Variants in ABCA1 observed in about 807,000 individuals in gnomAD.
ABCA1 encodes ATP binding cassette subfamily A member 1, also known as phospholipid-transporting ATPase ABCA1.
In ABCA1, 133 loss-of-function variants were observed where a neutral mutation model predicts 262.5. The observed-to-expected ratio is 0.51, with a 90% CI of 0.44 to 0.59. The LOEUF (loss-of-function observed/expected upper bound fraction) is 0.59, where lower values mean the gene tolerates loss of function less well. Among genes scored for constraint, ABCA1 ranks in the 20% least tolerant of loss-of-function variants. The pLI, the probability that ABCA1 is intolerant of heterozygous loss-of-function variation, is 0.00. For missense variants in ABCA1, 2,452 were observed against 2,777.5 expected, an observed-to-expected ratio of 0.88 and a Z score of 2.63; for synonymous variants, 1,022 against 1,043.5, an observed-to-expected ratio of 0.98 and a Z score of 0.40.
At chr9:104,863,216 G>A (rs552940698) in intron 5 of ABCA1, among the ~76,000 whole-genome samples, 71 of 152,250 alleles carry the variant, frequency 4.7e-4, no homozygotes, top group Non-Finnish European at 9.4e-4. Context: ...TCTCCAAAAT[G>A]AGAGGTTTCT....
chr9:104,873,274 C>A (rs1188561678), intron 5 of ABCA1, among the ~76,000 whole-genome samples: 1 of 152,232 alleles, frequency 6.6e-6, no homozygotes, highest in African/African-American at 2.4e-5. Context: ...CAAGATGACA[C>A]ACTGGGGTTC....
rs41474449 is a variant in ABCA1 at position 104,781,415 on chromosome 9, TAAC to T, written c.*2897_*2899del. ...GTATTACATTATTACTAGTAGATAA[TAAC>T]AAGGGTACAAATTAATGTCTCAATA... On this transcript the variant is annotated 3_prime_UTR_variant, in exon 50 of 50. Transcript: ENST00000374736. 0.11 allele frequency: 16,962 copies of T among 152,524 alleles called. 1,187 individuals carry two copies. The highest frequency in any genetic ancestry group is 0.25 in the East Asian group (1,298 of 5,172). 9.4% of individuals were successfully genotyped at this position (152,524 alleles called of 1,614,324 possible). A position where few individuals can be genotyped will look rare whatever the true frequency, so the allele number is the denominator to read the frequency against.
intron 2 of ABCA1, among the ~76,000 whole-genome samples, chr9:104,894,620 A>C (rs1474650071): frequency 1.3e-5 from 2 of 152,214 alleles, no homozygotes; most frequent in Non-Finnish European, 2.9e-5. Context: ...AAGATTGGCA[A>C]ATGGCAGAGC....
chr9:104,915,756 A>G (rs1199569281), intron 1 of ABCA1, among the ~76,000 whole-genome samples: 1 of 152,200 alleles, frequency 6.6e-6, no homozygotes, highest in Non-Finnish European at 1.5e-5. Context: ...CATTTTTGGT[A>G]GCCTCCTTCT....
intron 1 of ABCA1, among the ~76,000 whole-genome samples, chr9:104,915,017 G>T (rs1451149098): frequency 6.6e-6 from 1 of 152,224 alleles, no homozygotes; most frequent in Non-Finnish European, 1.5e-5. Flanking sequence ...TAGAGTATAA[G>T]ATTGTCAGCA....
chr9:104,887,114 C>A (rs985386892), intron 3 of ABCA1, among the ~76,000 whole-genome samples: 1 of 152,112 alleles, frequency 6.6e-6, no homozygotes, highest in Non-Finnish European at 1.5e-5. Context: ...CCTGTCTCTA[C>A]TAAAAATACA....
In ABCA1 at chr9:104,925,323, G is replaced by A. The variant is rs576920544; in HGVS notation, c.-93+2612C>T. On this transcript the variant is annotated intron_variant, in intron 1 of 49. Coordinates refer to ENST00000374736, the MANE Select transcript of ABCA1 (RefSeq NM_005502.4). ...ACCCAGGAGGTGGAGGTTGCAGTGA[G>A]CCATATCGTGCCACTGCACTCCAGC... 8.7e-5 allele frequency among the ~76,000 whole-genome samples: 10 copies of A among 115,122 alleles called. No homozygotes were observed. In the East Asian group the frequency reaches 3.3e-3, roughly 38 times the overall value. 75.5% of individuals were successfully genotyped at this position (115,122 alleles called of 152,430 possible).
chr9:104,870,697 A>T (rs1394969235), intron 5 of ABCA1, among the ~76,000 whole-genome samples: 1 of 152,160 alleles, frequency 6.6e-6, no homozygotes, highest in East Asian at 1.9e-4. Context: ...ACCACCAAAC[A>T]GGCTTTGTGT....
chr9:104,910,713 T>C (rs1408475705), intron 1 of ABCA1, among the ~76,000 whole-genome samples: 2 of 152,150 alleles, frequency 1.3e-5, no homozygotes, highest in African/African-American at 2.4e-5. Flanking sequence ...TATTACTTTA[T>C]TTTATTTTTT....
At chr9:104,801,624 C>T (rs573226804) in intron 34 of ABCA1, among the ~76,000 whole-genome samples, 6 of 152,190 alleles carry the variant, frequency 3.9e-5, no homozygotes, top group Admixed American at 3.9e-4. Context: ...TCACTACAAC[C>T]TCTTCCTACA....
rs530021307 is a variant in ABCA1 at position 104,918,876 on chromosome 9, C to T, written c.-93+9059G>A. 7.2e-5 allele frequency among the ~76,000 whole-genome samples: 11 copies of T among 152,300 alleles called. No homozygotes were observed. In the South Asian group the frequency reaches 2.3e-3, roughly 32 times the overall value. On this transcript the variant is annotated intron_variant, in intron 1 of 49. Coordinates refer to ENST00000374736, the MANE Select transcript of ABCA1 (RefSeq NM_005502.4). ...CCAACAGATTTCAAGCCACCACCCT[C>T]CAAAGACTTGCTTCTTCAAGAAAAC...
intron 3 of ABCA1, among the ~76,000 whole-genome samples, chr9:104,887,276 A>AAAAC (rs34817114): frequency 0.16 from 23,729 of 151,954 alleles, 2,249 homozygotes; most frequent in African/African-American, 0.27. Context: ...AGACCATCTC[A>AAAAC]AAACAAACAA....
At chr9:104,794,325 T>A in intron 40 of ABCA1, 62 bp downstream of exon 40, 1 of 1,611,888 alleles carries the variant, frequency 6.2e-7, no homozygotes, top group South Asian at 1.1e-5. Flanking sequence ...AAGTTCAGGG[T>A]ACCAAGGCCT....
In ABCA1 at chr9:104,792,683, G is replaced by A. The variant is rs1172076724; in HGVS notation, c.5757+103C>T. On this transcript the variant is annotated intron_variant, in intron 42 of 49. Coordinates refer to ENST00000374736, the MANE Select transcript of ABCA1 (RefSeq NM_005502.4). The stretch of plus-strand genomic sequence containing the variant: ...AACCTTGGTATAGATGTACATTTTG[G>A]GAACACATGCCCTTTTATTAAGCAA... 3 of 1,473,596 alleles carry A rather than the reference G, an allele frequency of 2.0e-6. No homozygotes were observed. In the South Asian group the frequency reaches 3.4e-5, roughly 17 times the overall value. The allele number at this position is 1,473,596 out of a possible 1,614,324, so 91.3% of individuals were successfully genotyped here.
Position 104,816,278 on chromosome 9 carries a change from C to A in ABCA1, c.3603G>T (p.Gly1201=), listed in dbSNP as rs201696650. ...VSEARLVEDI[G]HELTYVLPYE... ...ATGGCAGCACATAGGTCAGCTCATG[C>A]CCTATGTCTTCCACCAGCCGGGCTT... Residue 1201 remains glycine (G), a synonymous_variant, in exon 25 of 50, where the codon GGG becomes GGT. Transcript: ENST00000374736. 1 of 1,614,106 alleles carries A rather than the reference C, an allele frequency of 6.2e-7. No homozygotes were observed. Among genetic ancestry groups the A allele is most frequent in the East Asian group, 2.2e-5 (1 of 44,862 alleles).
chr9:104,816,658 G>C (rs1468501366), intron 24 of ABCA1, among the ~76,000 whole-genome samples: 2 of 151,102 alleles, frequency 1.3e-5, no homozygotes, highest in Non-Finnish European at 3.0e-5. Flanking sequence ...TGGGTGGGTG[G>C]ATGGGTGAAT....
intron 32 of ABCA1, among the ~76,000 whole-genome samples, chr9:104,804,005 A>T (rs1830562090): frequency 1.3e-5 from 2 of 152,216 alleles, no homozygotes; most frequent in Admixed American, 1.3e-4. Context: ...TCACTCCAGC[A>T]TGCCCATGCC....
chr9:104,810,134 C>G (rs1831140945), intron 29 of ABCA1, among the ~76,000 whole-genome samples: 1 of 133,678 alleles, frequency 7.5e-6, no homozygotes, highest in African/African-American at 3.2e-5. Flanking sequence ...GAGGCCAATT[C>G]ACATTACATA....
At chr9:104,820,105 C>T (rs1365653146) in intron 20 of ABCA1, 36 bp from the exon 21 acceptor site, 2 of 1,613,920 alleles carry the variant, frequency 1.2e-6, no homozygotes, top group Admixed American at 1.7e-5. Context: ...CTGGGCCCTA[C>T]TGGATACCCC....
Sources: allele counts gnomAD v4.1 joint callset (sites outside exome capture counted in the v4.1 genomes callset), GRCh38; gene constraint gnomAD v4.1.1; transcripts MANE v1.5; gene names NCBI Gene and HGNC (gene_info 2026-07-23, HGNC 2026-07-21).